Variants in SLIT3 observed in about 807,000 individuals in gnomAD.
The protein encoded by SLIT3 is slit guidance ligand 3, also known as slit homolog 3 protein.
SLIT3 carries 68 observed loss-of-function variants against 184.0 expected under a neutral mutation model. The ratio of observed to expected loss-of-function variants is 0.37; its 90% confidence interval spans 0.30 to 0.45. The LOEUF is 0.45. Ranked by LOEUF, SLIT3 falls within the 20% of genes least tolerant of loss-of-function variation. The probability of loss-of-function intolerance (pLI) is 1.00; values close to 1 mark genes in which losing one functional copy is unlikely to be tolerated. For synonymous variants in SLIT3, 831 were observed against 828.6 expected (o/e 1.00, Z -0.05); for missense variants, 1,707 against 2,026.0 (o/e 0.84, Z 3.02).
intron 3 of SLIT3, among the ~76,000 whole-genome samples, chr5:169,223,562 C>A (rs911389960): frequency 1.3e-5 from 2 of 152,196 alleles, no homozygotes; most frequent in Non-Finnish European, 2.9e-5. Flanking sequence ...CTCTATACTG[C>A]AACCTGGGTG....
rs74951308 is a variant in SLIT3, at chr5:168,764,301, T to C, written c.1460-1612A>G. On this transcript the variant is annotated intron_variant, in intron 14 of 35. Transcript: ENST00000519560. ...CTGAGCCGGGCACTATTCTTTCCAT[T>C]TCAAATGAATGATCTCATTTAATCC... is the stretch of plus-strand genomic sequence containing the variant. Among the ~76,000 whole-genome samples the C allele has an allele frequency of 5.6e-3, 858 of 152,320 alleles. 10 individuals carry two copies. The highest frequency in any genetic ancestry group is 0.02 in the African/African-American group (825 of 41,564).
At chr5:168,722,142 G>T in intron 23 of SLIT3, 114 bp downstream of exon 23, 1 of 863,818 alleles carries the variant, frequency 1.2e-6, no homozygotes, top group Non-Finnish European at 1.9e-6. Flanking sequence ...GTAGGAAGGT[G>T]TGTTTGGGGG....
chr5:168,826,236 T>C (rs919764192), intron 6 of SLIT3, among the ~76,000 whole-genome samples: 3 of 152,208 alleles, frequency 2.0e-5, no homozygotes, highest in African/African-American at 7.2e-5. Context: ...TAGCAATTAT[T>C]CCAGAACCAA....
chr5:169,086,894 G>GT (rs895647496), intron 4 of SLIT3, among the ~76,000 whole-genome samples: 4 of 152,200 alleles, frequency 2.6e-5, no homozygotes, highest in Admixed American at 2.0e-4. Flanking sequence ...AGAAGTCTTT[G>GT]TTGGGCAGGA....
chr5:169,274,948 G>A lies in SLIT3; in HGVS notation c.198-23489C>T, dbSNP rs575448527. Among the ~76,000 whole-genome samples the A allele has an allele frequency of 2.6e-5, 4 of 152,356 alleles. No homozygotes were observed. In the South Asian group the frequency reaches 8.3e-4, roughly 32 times the overall value. The stretch of plus-strand genomic sequence containing the variant: ...TGTTGTGAGAATTAAACATGATAAT[G>A]TGTATAAATCAGTTTGATCCTTTGA... On this transcript the variant is annotated intron_variant, in intron 1 of 35. Coordinates refer to ENST00000519560, the MANE Select transcript of SLIT3 (RefSeq NM_003062.4).
At chr5:169,015,980 ACACAC>A (rs1554090385) in intron 4 of SLIT3, among the ~76,000 whole-genome samples, 1 of 92,028 alleles carries the variant, frequency 1.1e-5, no homozygotes, top group South Asian at 3.0e-4. Flanking sequence ...ACACACACAC[ACACAC>A]AACTTTCTGT....
intron 4 of SLIT3, among the ~76,000 whole-genome samples, chr5:169,140,136 A>G (rs1761669587): frequency 6.6e-6 from 1 of 151,828 alleles, no homozygotes; most frequent in South Asian, 2.1e-4. Flanking sequence ...GGCAAGTGGC[A>G]CAGGCAGCTG....
intron 5 of SLIT3, among the ~76,000 whole-genome samples, chr5:168,847,046 G>A (rs1257999665): frequency 6.6e-6 from 1 of 152,190 alleles, no homozygotes; most frequent in Non-Finnish European, 1.5e-5. Context: ...CTGAAGTGGT[G>A]GGGACAAGAG....
chr5:168,883,427 G>A (rs773010145), intron 4 of SLIT3, 91 bp from the exon 5 acceptor site: 55 of 998,184 alleles, frequency 5.5e-5, no homozygotes, highest in East Asian at 3.2e-4. Context: ...CCCCACCCAG[G>A]CTGCTGCCTC....
At chr5:168,710,010 A>G (rs1408196203) in intron 25 of SLIT3, 2 of 152,218 alleles carry the variant, frequency 1.3e-5, no homozygotes, top group African/African-American at 4.8e-5. Flanking sequence ...TTGATTCAGT[A>G]ATTTCTATTC....
chr5:168,933,685 G>C (rs774325252), intron 4 of SLIT3, among the ~76,000 whole-genome samples: 4 of 152,184 alleles, frequency 2.6e-5, no homozygotes, highest in Non-Finnish European at 5.9e-5. Flanking sequence ...TTGAGTCTAG[G>C]GTCTCTAGCT....
chr5:169,201,871 G>A (rs756143640), intron 3 of SLIT3, among the ~76,000 whole-genome samples: 1 of 152,170 alleles, frequency 6.6e-6, no homozygotes, highest in Non-Finnish European at 1.5e-5. Flanking sequence ...AAATCTACAG[G>A]AACACTTGGA....
rs1260481453 is a variant in SLIT3, at chr5:168,884,549, G to GAGATATATATAT, written c.414-1214_414-1213insATATATATATCT. On this transcript the variant is annotated intron_variant, in intron 4 of 35. Transcript: ENST00000519560. The stretch of plus-strand genomic sequence containing the variant: ...ATCTAACTACTGCTACCAATTACGA[G>GAGATATATATAT]ATATATATATATATATATATATATA... Among the ~76,000 whole-genome samples, 22 of 41,152 alleles carry GAGATATATATAT rather than the reference G, an allele frequency of 5.3e-4. 3 individuals are homozygous for GAGATATATATAT. Among genetic ancestry groups the GAGATATATATAT allele is most frequent in the African/African-American group, 2.3e-3 (21 of 9,092 alleles). 27.0% of individuals were successfully genotyped at this position (41,152 alleles called of 152,430 possible).
At chr5:168,898,142 T>C in intron 4 of SLIT3, among the ~76,000 whole-genome samples, 1 of 150,824 alleles carries the variant, frequency 6.6e-6, no homozygotes, top group African/African-American at 2.4e-5. Context: ...ATATATCGAT[T>C]CCTGCCCATC....
chr5:169,235,077 C>T (rs991626106), intron 3 of SLIT3, among the ~76,000 whole-genome samples: 70 of 152,226 alleles, frequency 4.6e-4, no homozygotes, highest in African/African-American at 1.6e-3. Context: ...CTTTTAAGAA[C>T]ATTTTCTTGA....
At chr5:168,690,459 C>T (rs1003160289) in intron 29 of SLIT3, among the ~76,000 whole-genome samples, 1 of 152,210 alleles carries the variant, frequency 6.6e-6, no homozygotes, top group Non-Finnish European at 1.5e-5. Flanking sequence ...ATCCCCATTC[C>T]CTGCCCCTTC....
intron 4 of SLIT3, among the ~76,000 whole-genome samples, chr5:168,945,960 C>T (rs542215036): frequency 2.6e-4 from 39 of 152,326 alleles, no homozygotes; most frequent in African/African-American, 8.2e-4. Flanking sequence ...GAAAGTTTCT[C>T]GCGTACTGTT....
intron 4 of SLIT3, among the ~76,000 whole-genome samples, chr5:169,014,747 T>C (rs1315565922): frequency 6.6e-6 from 1 of 152,148 alleles, no homozygotes; most frequent in Admixed American, 6.5e-5. Flanking sequence ...GGTCAGGAGT[T>C]TGAGACCAGC....
intron 4 of SLIT3, among the ~76,000 whole-genome samples, chr5:169,145,830 C>T (rs938830142): frequency 2.6e-5 from 4 of 152,216 alleles, no homozygotes; most frequent in African/African-American, 9.6e-5. Flanking sequence ...GACAGATTGC[C>T]TGAGGTCAGG....
Sources: gnomAD v4.1 joint callset for allele counts (sites outside exome capture counted in the v4.1 genomes callset) on GRCh38, gnomAD v4.1.1 for gene constraint, MANE v1.5 for transcripts, NCBI Gene and HGNC (gene_info 2026-07-23, HGNC 2026-07-21) for gene names.